SBF2: variants seen among roughly 807,000 people sequenced by gnomAD.
The protein encoded by SBF2 is myotubularin-related protein 13.
SBF2 carries 112 observed loss-of-function variants against 225.2 expected under a neutral mutation model. That is an observed-to-expected ratio of 0.50 (90% CI 0.43 to 0.58). The LOEUF is 0.58. Ranked by LOEUF, SBF2 falls within the 20% of genes least tolerant of loss-of-function variation. The probability of loss-of-function intolerance (pLI) is 0.00; values close to 1 mark genes in which losing one functional copy is unlikely to be tolerated. For missense variants in SBF2, 1,996 were observed against 2,206.2 expected, an observed-to-expected ratio of 0.90 and a Z score of 1.91; for synonymous variants, 763 against 773.3, an observed-to-expected ratio of 0.99 and a Z score of 0.22.
At position 9,803,484 on chromosome 11, in the gene SBF2, C is replaced by T. The variant is rs114719418; in HGVS notation, c.4443+4516G>A. Reference sequence around the variant, plus strand: ...CTCTCCCACTCCTCCCCCCCAGCCCCATCCCCAATAATAAAATAGAAGAAT... The same window carrying T: ...CTCTCCCACTCCTCCCCCCCAGCCCTATCCCCAATAATAAAATAGAAGAAT... On this transcript the variant is annotated intron_variant, in intron 32 of 39. Coordinates refer to ENST00000256190, the MANE Select transcript of SBF2 (RefSeq NM_030962.4). Among the ~76,000 whole-genome samples the T allele has an allele frequency of 4.5e-3, 687 of 152,264 alleles. 8 individuals carry two copies. Among genetic ancestry groups the T allele is most frequent in the African/African-American group, 0.016 (658 of 41,536 alleles).
intron 2 of SBF2, among the ~76,000 whole-genome samples, chr11:10,092,298 T>C (rs1252719711): frequency 2.0e-5 from 3 of 152,130 alleles, no homozygotes; most frequent in Non-Finnish European, 2.9e-5. Context: ...AGATAACATA[T>C]ACATGATTTT....
intron 2 of SBF2, among the ~76,000 whole-genome samples, chr11:10,176,745 C>T (rs1056285185): frequency 1.3e-5 from 2 of 152,100 alleles, no homozygotes; most frequent in African/African-American, 2.4e-5. Context: ...GATTCACAGC[C>T]GAATTGTACC....
rs368109597 is a variant in SBF2 at position 10,071,144 on chromosome 11, C to T, written c.142-28163G>A. Among the ~76,000 whole-genome samples the T allele has an allele frequency of 3.3e-5, 5 of 152,186 alleles. No individual in the cohort carries two copies. The East Asian group carries it at 5.8e-4, about 18-fold the overall frequency. On this transcript the variant is annotated intron_variant, in intron 2 of 39. Coordinates refer to ENST00000256190, the MANE Select transcript of SBF2 (RefSeq NM_030962.4). ...GACTTCCTCTCTTCCAAATTGAATACCCTTTATTTCTTTCTCTTGCCTGAT... is the reference window on the plus strand; with the variant it reads ...GACTTCCTCTCTTCCAAATTGAATATCCTTTATTTCTTTCTCTTGCCTGAT...
At chr11:10,224,095 G>C (rs765221028) in intron 1 of SBF2, among the ~76,000 whole-genome samples, 9 of 151,946 alleles carry the variant, frequency 5.9e-5, no homozygotes, top group Non-Finnish European at 1.0e-4. Flanking sequence ...AGATAGACTA[G>C]TATCTACTTA....
rs1027474516 is a variant in SBF2, at chr11:10,108,504, G to A, written c.142-65523C>T. 4.9e-5 allele frequency among the ~76,000 whole-genome samples: 7 copies of A among 142,288 alleles called. No homozygotes were observed. In the East Asian group the frequency reaches 1.5e-3, roughly 31 times the overall value. 93.3% of individuals were successfully genotyped at this position (142,288 alleles called of 152,430 possible). A position where few individuals can be genotyped will look rare whatever the true frequency, so the allele number is the denominator to read the frequency against. ...TCAAAGAAGGCTGCAAAAACAAACA[G>A]TAATAGTTAACTTTTTTTTTTTTTT... On this transcript the variant is annotated intron_variant, in intron 2 of 39. Transcript: ENST00000256190.
chr11:9,788,079 C>T, intron 35 of SBF2: 1 of 355,452 alleles, frequency 2.8e-6, no homozygotes, highest in Non-Finnish European at 5.4e-6. Context: ...CAAGCACTGG[C>T]CCGTGGCCCA....
At position 9,959,099 on chromosome 11, in the gene SBF2, T is replaced by C. The variant is rs1048518215; in HGVS notation, c.1860+2858A>G. 2.4e-5 allele frequency: 35 copies of C among 1,440,176 alleles called. No individual in the cohort carries two copies. The African/African-American group carries it at 2.5e-4, about 10-fold the overall frequency. The allele number at this position is 1,440,176 out of a possible 1,614,324, so 89.2% of individuals were successfully genotyped here. A position where few individuals can be genotyped will look rare whatever the true frequency, so the allele number is the denominator to read the frequency against. ...CCAGGAATGGGCTTAGGATCAAAGG[T>C]TGCTATCACTCCGAAGTCTTCACAT... On this transcript the variant is annotated intron_variant, in intron 16 of 39. Transcript: ENST00000256190.
At chr11:9,917,787 G>C (rs1863232434) in intron 16 of SBF2, among the ~76,000 whole-genome samples, 1 of 150,832 alleles carries the variant, frequency 6.6e-6, no homozygotes, top group Non-Finnish European at 1.5e-5. Flanking sequence ...CGCCAGCCTA[G>C]ACCACCCTCC....
chr11:10,290,752 T>C (rs1443297745), intron 1 of SBF2, among the ~76,000 whole-genome samples: 1 of 152,136 alleles, frequency 6.6e-6, no homozygotes, highest in Admixed American at 6.5e-5. Flanking sequence ...TCAGTATGAA[T>C]TCATAGTTTT....
intron 2 of SBF2, among the ~76,000 whole-genome samples, chr11:10,116,932 T>C (rs912946712): frequency 3.9e-5 from 6 of 152,228 alleles, no homozygotes; most frequent in Non-Finnish European, 8.8e-5. Context: ...TCCAAATTTA[T>C]GTTGAATATG....
At chr11:10,286,166 G>GTGCACA (rs1555108874) in intron 1 of SBF2, among the ~76,000 whole-genome samples, 2 of 147,356 alleles carry the variant, frequency 1.4e-5, no homozygotes, top group South Asian at 2.2e-4. Context: ...ACACGCACAC[G>GTGCACA]CACACACACA....
At chr11:9,812,326 C>G (rs1287508458) in intron 30 of SBF2, among the ~76,000 whole-genome samples, 1 of 152,154 alleles carries the variant, frequency 6.6e-6, no homozygotes, top group Non-Finnish European at 1.5e-5. Flanking sequence ...GAGATAAAAA[C>G]CCAGCGATCA....
At chr11:9,911,641 T>C (rs895084495) in intron 16 of SBF2, among the ~76,000 whole-genome samples, 5 of 152,216 alleles carry the variant, frequency 3.3e-5, no homozygotes, top group African/African-American at 1.2e-4. Flanking sequence ...AGTGATGTCC[T>C]AGACCTTCAC....
intron 2 of SBF2, among the ~76,000 whole-genome samples, chr11:10,127,295 C>A (rs921003282): frequency 6.6e-6 from 1 of 152,064 alleles, no homozygotes; most frequent in Non-Finnish European, 1.5e-5. Flanking sequence ...ATGTTTTTCA[C>A]ATATTATGCT....
At chr11:10,254,154 AG>A (rs1420942309) in intron 1 of SBF2, among the ~76,000 whole-genome samples, 1 of 152,024 alleles carries the variant, frequency 6.6e-6, no homozygotes. Context: ...GAGGCCCAGG[AG>A]GGAGGATCAC....
intron 2 of SBF2, among the ~76,000 whole-genome samples, chr11:10,088,162 T>C (rs898913577): frequency 3.3e-5 from 5 of 151,998 alleles, no homozygotes. Context: ...TAGCTGAGAC[T>C]ATAGGTGCAC....
At position 10,104,102 on chromosome 11, in the gene SBF2, A is replaced by G. The variant is rs544108210; in HGVS notation, c.142-61121T>C. On this transcript the variant is annotated intron_variant, in intron 2 of 39. Coordinates refer to ENST00000256190, the MANE Select transcript of SBF2 (RefSeq NM_030962.4). ...ACCCTGTCTCAGAAAAAAAAAAAAAAAGAGAGAGTGCCATTTCCATAAATG... is the reference window on the plus strand; with the variant it reads ...ACCCTGTCTCAGAAAAAAAAAAAAAGAGAGAGAGTGCCATTTCCATAAATG... Among the ~76,000 whole-genome samples the G allele has an allele frequency of 4.7e-3, 720 of 151,994 alleles. 8 individuals are homozygous for G. Among genetic ancestry groups the G allele is most frequent in the African/African-American group, 0.016 (674 of 41,466 alleles).
intron 25 of SBF2, among the ~76,000 whole-genome samples, chr11:9,841,195 A>G (rs930966580): frequency 4.6e-5 from 7 of 152,218 alleles, no homozygotes; most frequent in Non-Finnish European, 7.3e-5. Context: ...GAACTTCACA[A>G]TGCAATATCA....
chr11:10,076,019 T>G (rs1026463097), intron 2 of SBF2, among the ~76,000 whole-genome samples: 1 of 151,714 alleles, frequency 6.6e-6, no homozygotes, highest in African/African-American at 2.4e-5. Flanking sequence ...AGAAGAAACA[T>G]GAGAGCTAAA....
Sources: allele counts gnomAD v4.1 joint callset (sites outside exome capture counted in the v4.1 genomes callset), GRCh38; gene constraint gnomAD v4.1.1; transcripts MANE v1.5; gene names NCBI Gene and HGNC (gene_info 2026-07-23, HGNC 2026-07-21).